Variants in QTMAN observed in about 807,000 individuals in gnomAD.
QTMAN encodes queuosine-tRNA mannosyltransferase, also known as tRNA-queuosine alpha-mannosyltransferase.
chr2:144,299,676 C>T, the QTMAN span, among the ~76,000 whole-genome samples: 2 of 152,196 alleles, frequency 1.3e-5, no homozygotes, highest in Non-Finnish European at 2.9e-5. Context: ...GTGTACACTG[C>T]TGGTGGGAAT....
chr2:143,993,843 T>A, the QTMAN span, among the ~76,000 whole-genome samples: 1 of 152,150 alleles, frequency 6.6e-6, no homozygotes, highest in Non-Finnish European at 1.5e-5. Context: ...TGGAGCTGAA[T>A]GTGAGGGAAT....
chr2:144,316,355 G>T, the QTMAN span, among the ~76,000 whole-genome samples: 1 of 152,110 alleles, frequency 6.6e-6, no homozygotes, highest in African/African-American at 2.4e-5. Context: ...AACATTTACA[G>T]TTCTTATTTT....
At chr2:144,224,976 G>A in the QTMAN span, among the ~76,000 whole-genome samples, 1 of 152,112 alleles carries the variant, frequency 6.6e-6, no homozygotes, top group East Asian at 1.9e-4. Context: ...GTTCAAGAAG[G>A]TGAACCAAGA....
the QTMAN span, among the ~76,000 whole-genome samples, chr2:144,318,774 AAAGT>A: frequency 7.8e-4 from 119 of 152,342 alleles, no homozygotes; most frequent in Middle Eastern, 3.4e-3. Flanking sequence ...TGCTATATAA[AAAGT>A]AATCTATGGT....
chr2:143,986,453 G>C, the QTMAN span, among the ~76,000 whole-genome samples: 2 of 152,210 alleles, frequency 1.3e-5, no homozygotes, highest in African/African-American at 2.4e-5. Context: ...GAGAGAGGCT[G>C]CTCCCCTCTT....
chr2:143,992,297 A>G, the QTMAN span, among the ~76,000 whole-genome samples: 30 of 149,332 alleles, frequency 2.0e-4, no homozygotes, highest in African/African-American at 5.7e-4. Flanking sequence ...GATTAAGGGC[A>G]GTGCAAGATG....
At chr2:143,967,993 G>A in the QTMAN span, among the ~76,000 whole-genome samples, 1 of 152,166 alleles carries the variant, frequency 6.6e-6, no homozygotes, top group Non-Finnish European at 1.5e-5. Flanking sequence ...ATAAACTAGA[G>A]GGGTGACAAT....
At chr2:144,147,942 G>T in the QTMAN span, among the ~76,000 whole-genome samples, 2 of 151,608 alleles carry the variant, frequency 1.3e-5, no homozygotes, top group Non-Finnish European at 3.0e-5. Flanking sequence ...TAATTTGCTG[G>T]ATCTCCAAAA....
At chr2:144,179,790 T>G in the QTMAN span, among the ~76,000 whole-genome samples, 1 of 152,196 alleles carries the variant, frequency 6.6e-6, no homozygotes, top group East Asian at 1.9e-4. Flanking sequence ...AGGGTCTCAG[T>G]GCTGTTTCTG....
chr2:143,941,665 ACTCT>A, the QTMAN span: 4 of 142,458 alleles, frequency 2.8e-5, no homozygotes, highest in Admixed American at 7.3e-5. Context: ...ACAGAGCCAG[ACTCT>A]CTCTCTCAAA....
the QTMAN span, among the ~76,000 whole-genome samples, chr2:144,312,519 T>C: frequency 2.0e-5 from 3 of 152,166 alleles, no homozygotes. Flanking sequence ...CTCCTCTACC[T>C]ACTGCTCTCT....
At chr2:144,118,355 T>C in the QTMAN span, among the ~76,000 whole-genome samples, 5 of 152,154 alleles carry the variant, frequency 3.3e-5, no homozygotes, top group Non-Finnish European at 7.4e-5. Context: ...CCCTTATGAG[T>C]TCCACCTTAA....
the QTMAN span, among the ~76,000 whole-genome samples, chr2:144,011,969 T>C: frequency 6.6e-6 from 1 of 152,150 alleles, no homozygotes; most frequent in African/African-American, 2.4e-5. Context: ...AGAATGCTTC[T>C]TCCTGTTTCC....
the QTMAN span, among the ~76,000 whole-genome samples, chr2:144,089,333 TAC>T: frequency 1.3e-5 from 2 of 152,024 alleles, no homozygotes; most frequent in African/African-American, 2.4e-5. Flanking sequence ...GGAACTCCTA[TAC>T]ACTATTGGTA....
the QTMAN span, among the ~76,000 whole-genome samples, chr2:144,198,575 G>A: frequency 7.9e-5 from 12 of 152,252 alleles, no homozygotes; most frequent in African/African-American, 1.9e-4. Flanking sequence ...AGTCAAGGAC[G>A]CAGGAGAACA....
the QTMAN span, among the ~76,000 whole-genome samples, chr2:144,130,238 A>G: frequency 1.3e-5 from 2 of 151,960 alleles, no homozygotes; most frequent in South Asian, 2.1e-4. Flanking sequence ...CAGAGGTAAG[A>G]AAGTTCTGTA....
chr2:144,023,341 A>AG, the QTMAN span, among the ~76,000 whole-genome samples: 1 of 152,222 alleles, frequency 6.6e-6, no homozygotes, highest in Non-Finnish European at 1.5e-5. Context: ...GTAGTTTTCT[A>AG]AAGTCTAAGA....
chr2:144,053,044 C>A, the QTMAN span, among the ~76,000 whole-genome samples: 170 of 152,160 alleles, frequency 1.1e-3, 2 homozygotes, highest in African/African-American at 4.0e-3. Flanking sequence ...AACTGGTATT[C>A]CCAAGAAAAA....
the QTMAN span, among the ~76,000 whole-genome samples, chr2:144,324,720 G>A: frequency 1.3e-4 from 20 of 152,148 alleles, no homozygotes; most frequent in Admixed American, 1.1e-3. Flanking sequence ...TAAAGACCAA[G>A]AGGTGAAAAG....
Sources: gnomAD v4.1 joint callset for allele counts (sites outside exome capture counted in the v4.1 genomes callset) on GRCh38, gnomAD v4.1.1 for gene constraint, MANE v1.5 for transcripts, NCBI Gene and HGNC (gene_info 2026-07-23, HGNC 2026-07-21) for gene names.